ADAMTSL1: variants seen among roughly 807,000 people sequenced by gnomAD.
ADAMTSL1 encodes ADAMTS-like protein 1.
A neutral mutation model predicts 201.8 loss-of-function variants in ADAMTSL1; 126 were observed. That is an observed-to-expected ratio of 0.62 (90% CI 0.54 to 0.72). The LOEUF (loss-of-function observed/expected upper bound fraction) is 0.72, where lower values mean the gene tolerates loss of function less well. ADAMTSL1 is among the 30% of genes least tolerant of loss of function. ADAMTSL1 has a pLI of 0.00. For synonymous variants in ADAMTSL1, 1,121 were observed against 903.4 expected, an observed-to-expected ratio of 1.24 and a Z score of -4.32; for missense variants, 2,679 against 2,277.8, an observed-to-expected ratio of 1.18 and a Z score of -3.59.
At chr9:18,692,359 T>A (rs1204683085) in intron 13 of ADAMTSL1, among the ~76,000 whole-genome samples, 1 of 149,914 alleles carries the variant, frequency 6.7e-6, no homozygotes, top group South Asian at 2.3e-4. Context: ...ATAGAGCCGT[T>A]TTTTTGTAGT....
intron 1 of ADAMTSL1, among the ~76,000 whole-genome samples, chr9:18,484,608 C>T (rs577675012): frequency 6.6e-6 from 1 of 152,056 alleles, no homozygotes; most frequent in African/African-American, 2.4e-5. Flanking sequence ...TAAACCAGTC[C>T]CTCTTTCAGG....
intron 20 of ADAMTSL1, among the ~76,000 whole-genome samples, chr9:18,816,292 A>G (rs997055675): frequency 3.3e-5 from 5 of 152,198 alleles, no homozygotes; most frequent in African/African-American, 9.6e-5. Context: ...CCTGGAGTGC[A>G]GTGGTGTGAC....
intron 2 of ADAMTSL1, among the ~76,000 whole-genome samples, chr9:18,391,510 A>G (rs553517888): frequency 1.3e-5 from 2 of 152,272 alleles, no homozygotes; most frequent in Admixed American, 6.5e-5. Context: ...CAGTGGTGCC[A>G]TAATAGCTCA....
intron 13 of ADAMTSL1, among the ~76,000 whole-genome samples, chr9:18,693,709 T>C (rs1587915466): frequency 1.3e-5 from 2 of 152,354 alleles, no homozygotes; most frequent in African/African-American, 4.8e-5. Flanking sequence ...AAATTATTTA[T>C]TGAGCTGCTA....
intron 23 of ADAMTSL1, among the ~76,000 whole-genome samples, chr9:18,876,014 CT>C (rs1408766001): frequency 2.0e-5 from 3 of 152,090 alleles, no homozygotes; most frequent in African/African-American, 7.2e-5. Flanking sequence ...TCTTTTTTAA[CT>C]GCTGTTGCTT....
At chr9:18,534,521 A>G (rs760226746) in intron 3 of ADAMTSL1, among the ~76,000 whole-genome samples, 3 of 152,242 alleles carry the variant, frequency 2.0e-5, no homozygotes, top group African/African-American at 4.8e-5. Context: ...AAAGAGGTAT[A>G]TGCATATTTA....
At chr9:18,113,237 C>T (rs1194452753) in intron 1 of ADAMTSL1, among the ~76,000 whole-genome samples, 1 of 152,094 alleles carries the variant, frequency 6.6e-6, no homozygotes, top group Non-Finnish European at 1.5e-5. Flanking sequence ...CATGTCCAGG[C>T]ATTTAGGCTC....
At chr9:18,219,779 A>C (rs1217757496) in intron 2 of ADAMTSL1, among the ~76,000 whole-genome samples, 2 of 152,172 alleles carry the variant, frequency 1.3e-5, no homozygotes, top group East Asian at 3.8e-4. Context: ...TGTCATTATA[A>C]AAATATCTTT....
intron 1 of ADAMTSL1, among the ~76,000 whole-genome samples, chr9:18,066,027 C>G (rs1270846638): frequency 6.8e-6 from 1 of 147,710 alleles, no homozygotes; most frequent in Non-Finnish European, 1.5e-5. Context: ...ATGGCACCAC[C>G]ACAATGACCA....
chr9:17,966,319 C>A (rs1168736319), intron 1 of ADAMTSL1, among the ~76,000 whole-genome samples: 1 of 152,008 alleles, frequency 6.6e-6, no homozygotes, highest in African/African-American at 2.4e-5. Context: ...TAACTTTTTA[C>A]TGTAAAATAA....
intron 23 of ADAMTSL1, among the ~76,000 whole-genome samples, chr9:18,848,228 AAC>A: frequency 6.6e-6 from 1 of 152,300 alleles, no homozygotes; most frequent in Non-Finnish European, 1.5e-5. Flanking sequence ...AAAATATTCC[AAC>A]AGAGACCAAT....
At chr9:18,624,132 C>T (rs567434877) in intron 5 of ADAMTSL1, among the ~76,000 whole-genome samples, 1 of 152,238 alleles carries the variant, frequency 6.6e-6, no homozygotes, top group African/African-American at 2.4e-5. Context: ...GTTTAGGGAA[C>T]TCTGTACATT....
intron 1 of ADAMTSL1, among the ~76,000 whole-genome samples, chr9:18,040,008 G>C (rs1375257813): frequency 6.6e-6 from 1 of 152,140 alleles, no homozygotes; most frequent in African/African-American, 2.4e-5. Flanking sequence ...ATATTATTGT[G>C]TCTCCAGGAT....
intron 2 of ADAMTSL1, among the ~76,000 whole-genome samples, chr9:18,305,167 C>G (rs1050993260): frequency 6.6e-6 from 1 of 152,202 alleles, no homozygotes; most frequent in African/African-American, 2.4e-5. Flanking sequence ...CAACACTGCA[C>G]TCTGGCCCAG....
At chr9:18,603,413 ATGCTATACTG>A (rs1824799200) in intron 4 of ADAMTSL1, among the ~76,000 whole-genome samples, 1 of 118,174 alleles carries the variant, frequency 8.5e-6, no homozygotes, top group Non-Finnish European at 1.9e-5. Flanking sequence ...ATGCTATGCT[ATGCTATACTG>A]TGCTATACTG....
At chr9:17,917,074 C>A (rs1826123394) in intron 1 of ADAMTSL1, among the ~76,000 whole-genome samples, 1 of 151,856 alleles carries the variant, frequency 6.6e-6, no homozygotes, top group Non-Finnish European at 1.5e-5. Context: ...TGTTAGTATA[C>A]AAAAATACAA....
chr9:18,714,537 C>G (rs1383135243), intron 14 of ADAMTSL1, among the ~76,000 whole-genome samples: 1 of 69,834 alleles, frequency 1.4e-5, no homozygotes, highest in Non-Finnish European at 3.4e-5. Context: ...TCTCCCAAGA[C>G]TAAACCAGGA....
intron 1 of ADAMTSL1, among the ~76,000 whole-genome samples, chr9:17,916,912 A>C (rs577840775): frequency 6.6e-6 from 1 of 152,310 alleles, no homozygotes; most frequent in African/African-American, 2.4e-5. Flanking sequence ...ACTCATGAAC[A>C]TGAAAACCTC....
intron 23 of ADAMTSL1, among the ~76,000 whole-genome samples, chr9:18,883,561 C>G (rs1828672604): frequency 6.6e-6 from 1 of 152,230 alleles, no homozygotes; most frequent in Non-Finnish European, 1.5e-5. Flanking sequence ...AACTGAAACT[C>G]TGCACTCCTC....
Sources: allele counts gnomAD v4.1 joint callset (sites outside exome capture counted in the v4.1 genomes callset), GRCh38; gene constraint gnomAD v4.1.1; transcripts MANE v1.5; gene names NCBI Gene and HGNC (gene_info 2026-07-23, HGNC 2026-07-21).